Variants in EXOC4 observed in about 807,000 individuals in gnomAD.
The protein encoded by EXOC4 is exocyst complex component 4.
In EXOC4, 71 loss-of-function variants were observed where a neutral mutation model predicts 107.2. The ratio of observed to expected loss-of-function variants is 0.66; its 90% CI spans 0.55 to 0.81. EXOC4 has a LOEUF of 0.81. Ranked by LOEUF, EXOC4 falls within the 30% of genes least tolerant of loss-of-function variation. The pLI, the probability that EXOC4 is intolerant of heterozygous loss-of-function variation, is 0.00. For synonymous variants in EXOC4, 456 were observed against 441.2 expected (o/e 1.03, Z -0.42); for missense variants, 1,108 against 1,189.6 (o/e 0.93, Z 1.01).
intron 9 of EXOC4, among the ~76,000 whole-genome samples, chr7:133,503,340 C>T (rs889462309): frequency 7.2e-5 from 11 of 152,224 alleles, no homozygotes; most frequent in East Asian, 5.8e-4. Context: ...AGAGACCATA[C>T]GTCATTTATA....
chr7:134,035,481 A>C (rs1308344879), intron 17 of EXOC4, among the ~76,000 whole-genome samples: 1 of 152,250 alleles, frequency 6.6e-6, no homozygotes, highest in Non-Finnish European at 1.5e-5. Flanking sequence ...AAAAATGCTA[A>C]AATATAACCA....
chr7:133,823,720 G>T (rs948386565), intron 11 of EXOC4, among the ~76,000 whole-genome samples: 4 of 147,712 alleles, frequency 2.7e-5, no homozygotes, highest in African/African-American at 1.0e-4. Context: ...AGAGACTGAG[G>T]CAGGAGAATG....
chr7:133,921,496 CTAAA>C (rs1799935223), intron 13 of EXOC4, among the ~76,000 whole-genome samples: 2 of 152,096 alleles, frequency 1.3e-5, no homozygotes, highest in Admixed American at 6.6e-5. Flanking sequence ...CTTTTAACAA[CTAAA>C]TATTTTACTC....
chr7:133,986,950 T>A (rs1384917221), intron 14 of EXOC4, among the ~76,000 whole-genome samples: 2 of 152,182 alleles, frequency 1.3e-5, no homozygotes, highest in African/African-American at 2.4e-5. Context: ...GAGGGGCTCC[T>A]GTCACTGTCC....
intron 1 of EXOC4, among the ~76,000 whole-genome samples, chr7:133,268,511 G>A (rs1055357128): frequency 6.6e-6 from 1 of 151,854 alleles, no homozygotes; most frequent in African/African-American, 2.4e-5. Flanking sequence ...ATTTTCTCCT[G>A]TCCGGACTCC....
intron 5 of EXOC4, among the ~76,000 whole-genome samples, chr7:133,334,798 T>A (rs1795473995): frequency 6.7e-6 from 1 of 150,352 alleles, no homozygotes; most frequent in Non-Finnish European, 1.5e-5. Flanking sequence ...ATTTAGTTCC[T>A]ACTCATTAGT....
At chr7:134,038,566 T>C (rs1335371852) in intron 17 of EXOC4, among the ~76,000 whole-genome samples, 1 of 152,232 alleles carries the variant, frequency 6.6e-6, no homozygotes, top group Non-Finnish European at 1.5e-5. Flanking sequence ...ACACTAATTT[T>C]ATTCTCTATT....
At position 133,425,849 on chromosome 7, in the gene EXOC4, A is replaced by T. The variant is rs142146568; in HGVS notation, c.1183-49479A>T. ...CCCAGGTCTTTAGATAAACTCAACC[A>T]ATTGTCAACCAGAAAAAATTTAAAT... On this transcript the variant is annotated intron_variant, in intron 7 of 17. Transcript: ENST00000253861. Among the ~76,000 whole-genome samples, 818 of 152,262 alleles carry T rather than the reference A, an allele frequency of 5.4e-3. 5 individuals are homozygous for T. The highest frequency in any genetic ancestry group is 0.019 in the African/African-American group (794 of 41,540).
chr7:133,982,482 G>A (rs1794013100), intron 14 of EXOC4, among the ~76,000 whole-genome samples: 1 of 152,124 alleles, frequency 6.6e-6, no homozygotes, highest in South Asian at 2.1e-4. Flanking sequence ...AACCCGGGAG[G>A]TGGAGCTTGC....
chr7:133,678,188 C>T (rs1794107415), intron 10 of EXOC4, among the ~76,000 whole-genome samples: 1 of 152,154 alleles, frequency 6.6e-6, no homozygotes, highest in South Asian at 2.1e-4. Flanking sequence ...AACAAATTTG[C>T]TGGGCCATTT....
At chr7:134,019,218 C>T (rs914846656) in intron 17 of EXOC4, among the ~76,000 whole-genome samples, 9 of 152,228 alleles carry the variant, frequency 5.9e-5, no homozygotes, top group Non-Finnish European at 8.8e-5. Flanking sequence ...GCATGAGGCA[C>T]AGCGCCCAGC....
chr7:133,522,134 T>C (rs1458426233), intron 9 of EXOC4, among the ~76,000 whole-genome samples: 1 of 152,174 alleles, frequency 6.6e-6, no homozygotes, highest in Non-Finnish European at 1.5e-5. Flanking sequence ...GTCGTAAAGC[T>C]AGTAATACCT....
chr7:133,620,167 C>T (rs1259337098), intron 9 of EXOC4, among the ~76,000 whole-genome samples: 1 of 151,944 alleles, frequency 6.6e-6, no homozygotes, highest in Non-Finnish European at 1.5e-5. Context: ...GGACCACAAG[C>T]GTGCATCACC....
At chr7:133,958,271 T>A (rs1411560916) in intron 14 of EXOC4, among the ~76,000 whole-genome samples, 1 of 151,660 alleles carries the variant, frequency 6.6e-6, no homozygotes, top group Non-Finnish European at 1.5e-5. Context: ...TCTTTTCCTT[T>A]TTTTTTCTCC....
chr7:133,730,567 TC>T (rs753445406), intron 10 of EXOC4, among the ~76,000 whole-genome samples: 1 of 152,116 alleles, frequency 6.6e-6, no homozygotes, highest in African/African-American at 2.4e-5. Flanking sequence ...GATTTCACAT[TC>T]GCTTTGGGAT....
At chr7:133,347,804 A>G (rs1477208899) in intron 5 of EXOC4, among the ~76,000 whole-genome samples, 1 of 152,170 alleles carries the variant, frequency 6.6e-6, no homozygotes, top group Non-Finnish European at 1.5e-5. Flanking sequence ...AGTAGAAATA[A>G]TTGGTTAAAG....
chr7:133,702,147 A>G, intron 10 of EXOC4, among the ~76,000 whole-genome samples: 1 of 151,404 alleles, frequency 6.6e-6, no homozygotes. Context: ...CTGATTAGCA[A>G]TCATTTTCTT....
chr7:133,304,171 G>GT (rs1235918301), intron 3 of EXOC4, among the ~76,000 whole-genome samples: 2 of 152,212 alleles, frequency 1.3e-5, no homozygotes, highest in Non-Finnish European at 2.9e-5. Context: ...TGGGCCAGTG[G>GT]TTTACCAAAT....
At chr7:133,544,672 G>A (rs1157200712) in intron 9 of EXOC4, among the ~76,000 whole-genome samples, 1 of 152,004 alleles carries the variant, frequency 6.6e-6, no homozygotes, top group Non-Finnish European at 1.5e-5. Context: ...GACCATGTTA[G>A]TAAGTTTGTT....
Sources: allele counts gnomAD v4.1 joint callset (sites outside exome capture counted in the v4.1 genomes callset), GRCh38; gene constraint gnomAD v4.1.1; transcripts MANE v1.5; gene names NCBI Gene and HGNC (gene_info 2026-07-23, HGNC 2026-07-21).